Variants in RAPGEF6 observed in about 807,000 individuals in gnomAD.
RAPGEF6 encodes PDZ domain containing guanine nucleotide exchange factor (GEF) 2.
In RAPGEF6, 56 loss-of-function variants were observed where a neutral mutation model predicts 171.4. The observed-to-expected ratio is 0.33, with a 90% CI of 0.26 to 0.41. The LOEUF (loss-of-function observed/expected upper bound fraction) is 0.41. Among genes scored for constraint, RAPGEF6 ranks in the 10% least tolerant of loss-of-function variants. The pLI, the probability that RAPGEF6 is intolerant of heterozygous loss-of-function variation, is 1.00. For synonymous variants in RAPGEF6, 692 were observed against 650.1 expected (o/e 1.06, Z -0.98); for missense variants, 1,674 against 1,921.4 (o/e 0.87, Z 2.41).
intron 5 of RAPGEF6, among the ~76,000 whole-genome samples, chr5:131,551,039 TTTAA>T (rs781495235): frequency 3.9e-5 from 6 of 152,336 alleles, no homozygotes; most frequent in Non-Finnish European, 7.3e-5. Context: ...AAAATAGGTG[TTTAA>T]TTAAATTTTC....
At chr5:131,561,414 T>C (rs1008844062) in intron 5 of RAPGEF6, among the ~76,000 whole-genome samples, 6 of 151,996 alleles carry the variant, frequency 3.9e-5, no homozygotes, top group South Asian at 4.2e-4. Context: ...TCTCAGCACT[T>C]TGGGAGGCCA....
Position 131,442,503 on chromosome 5 carries a change from T to C in RAPGEF6, c.3456A>G (p.Lys1152=), listed in dbSNP as rs377570469. 7 of 1,613,978 alleles carry C rather than the reference T, an allele frequency of 4.3e-6. No homozygotes were observed. The highest frequency in any genetic ancestry group is 1.3e-5 in the African/African-American group (1 of 74,928). Residue 1152 remains lysine, a synonymous_variant, in exon 23 of 28, where the codon AAA becomes AAG. Coordinates refer to ENST00000509018, the MANE Select transcript of RAPGEF6 (RefSeq NM_016340.6). ...TKNLSEKRSA[K]SSEMSPVPMR... is the part of the protein sequence containing the mutation. ...TAGGCACTGGAGACATTTCAGATGA[T>C]TTGGCTGATCTTTTCTCACTTAAAT...
rs577269571 is a variant in RAPGEF6, at chr5:131,462,101, A to C, written c.2481-13T>G. 1 of 1,453,820 alleles carries C rather than the reference A, an allele frequency of 6.9e-7. No individual in the cohort carries two copies. Among genetic ancestry groups the C allele is most frequent in the Non-Finnish European group, 9.1e-7 (1 of 1,097,740 alleles). 90.1% of individuals were successfully genotyped at this position (1,453,820 alleles called of 1,614,324 possible). On this transcript the variant is annotated splice_polypyrimidine_tract_variant and intron_variant, in intron 18 of 27. Coordinates refer to ENST00000509018, the MANE Select transcript of RAPGEF6 (RefSeq NM_016340.6). ...TTTTAAGTAATACCTAAATGGAAAAATTTTTTTAAATAAATGTATTCATAA... is the reference window on the plus strand; with the variant it reads ...TTTTAAGTAATACCTAAATGGAAAACTTTTTTTAAATAAATGTATTCATAA...
In RAPGEF6 at chr5:131,466,447, G is replaced by T. The variant is rs181524872; in HGVS notation, c.2240-2166C>A. Among the ~76,000 whole-genome samples the T allele has an allele frequency of 1.0e-3, 154 of 152,252 alleles. 1 individual carries two copies. The highest frequency in any genetic ancestry group is 3.2e-3 in the African/African-American group (132 of 41,530). On this transcript the variant is annotated intron_variant, in intron 17 of 27. Transcript: ENST00000509018. ...CAAAATCAGACATACTTCTTGAAAG[G>T]TTTGGCTGTGTCCCCAACCAAATCT... is the stretch of plus-strand genomic sequence containing the variant.
At chr5:131,431,475 C>G in intron 25 of RAPGEF6, 126 bp from the exon 26 acceptor site, 3 of 1,005,414 alleles carry the variant, frequency 3.0e-6, no homozygotes, top group Non-Finnish European at 4.3e-6. Flanking sequence ...CAAATAACAT[C>G]GTGAGGAAAA....
chr5:131,453,183 G>C lies in RAPGEF6; in HGVS notation c.3077-6C>G, dbSNP rs923198127. ...ATCTACTTTGGAGTCATTTCCTATAGAATGAAAATAAATGTTTAAGTTCAA... is the reference window on the plus strand; with the variant it reads ...ATCTACTTTGGAGTCATTTCCTATACAATGAAAATAAATGTTTAAGTTCAA... On this transcript the variant is annotated splice_region_variant and splice_polypyrimidine_tract_variant and intron_variant, in intron 20 of 27. Transcript: ENST00000509018. 1 of 1,588,462 alleles carries C rather than the reference G, an allele frequency of 6.3e-7. No homozygotes were observed. The highest frequency in any genetic ancestry group is 1.1e-5 in the South Asian group (1 of 87,388).
chr5:131,482,165 G>A (rs1462642425), intron 15 of RAPGEF6, among the ~76,000 whole-genome samples: 1 of 152,064 alleles, frequency 6.6e-6, no homozygotes, highest in African/African-American at 2.4e-5. Flanking sequence ...TCAAAATGAT[G>A]GAGACTTTTT....
At chr5:131,546,392 C>G (rs1055973654) in intron 6 of RAPGEF6, among the ~76,000 whole-genome samples, 11 of 152,004 alleles carry the variant, frequency 7.2e-5, no homozygotes, top group Non-Finnish European at 1.6e-4. Flanking sequence ...GATCACAAGG[C>G]AGGAGATCGA....
intron 6 of RAPGEF6, among the ~76,000 whole-genome samples, chr5:131,547,463 A>T (rs778453051): frequency 1.3e-5 from 2 of 151,974 alleles, no homozygotes; most frequent in African/African-American, 2.4e-5. Flanking sequence ...TTTTCAGTCT[A>T]AAAAGAAGCT....
chr5:131,514,709 T>C (rs1757962334), intron 7 of RAPGEF6, among the ~76,000 whole-genome samples: 3 of 151,682 alleles, frequency 2.0e-5, no homozygotes, highest in South Asian at 4.1e-4. Context: ...CAATCTGAAG[T>C]AGAGATGAGA....
chr5:131,542,159 G>T (rs1472777313), intron 6 of RAPGEF6, among the ~76,000 whole-genome samples: 2 of 152,042 alleles, frequency 1.3e-5, no homozygotes, highest in Non-Finnish European at 2.9e-5. Flanking sequence ...CCTTTGTTCT[G>T]ATTCTTTAGC....
intron 21 of RAPGEF6, 56 bp downstream of exon 21, chr5:131,452,998 A>C: frequency 6.5e-7 from 1 of 1,539,446 alleles, no homozygotes; most frequent in Non-Finnish European, 8.8e-7. Flanking sequence ...AAATATTTTA[A>C]TTATTACATC....
intron 1 of RAPGEF6, among the ~76,000 whole-genome samples, chr5:131,633,501 G>A (rs1257547135): frequency 6.6e-6 from 1 of 152,070 alleles, no homozygotes; most frequent in African/African-American, 2.4e-5. Flanking sequence ...AGGCCAACGC[G>A]GGCAGATCAC....
At chr5:131,434,890 C>A (rs962095667) in intron 24 of RAPGEF6, among the ~76,000 whole-genome samples, 1 of 152,116 alleles carries the variant, frequency 6.6e-6, no homozygotes, top group African/African-American at 2.4e-5. Context: ...CAACAAGGGA[C>A]GGGTCTCAAA....
intron 15 of RAPGEF6, among the ~76,000 whole-genome samples, chr5:131,487,286 T>G (rs1317045871): frequency 6.6e-6 from 1 of 152,234 alleles, no homozygotes; most frequent in African/African-American, 2.4e-5. Flanking sequence ...CAAGATTTAT[T>G]GTGAAGAATG....
chr5:131,535,877 G>A (rs1002261193), intron 6 of RAPGEF6, among the ~76,000 whole-genome samples: 15 of 152,086 alleles, frequency 9.9e-5, no homozygotes, highest in Non-Finnish European at 1.9e-4. Context: ...AAGAAGGACA[G>A]AGAAAGGTTA....
At chr5:131,583,732 G>A (rs1763092543) in intron 4 of RAPGEF6, among the ~76,000 whole-genome samples, 1 of 152,120 alleles carries the variant, frequency 6.6e-6, no homozygotes, top group African/African-American at 2.4e-5. Context: ...CTTACTCAAG[G>A]CTTCCTGAAT....
chr5:131,606,324 A>G (rs1031940105), intron 1 of RAPGEF6, among the ~76,000 whole-genome samples: 1 of 148,112 alleles, frequency 6.8e-6, no homozygotes, highest in African/African-American at 2.5e-5. Context: ...AGATCGCACC[A>G]CTGCACTCCA....
At chr5:131,485,903 C>A (rs1755852793) in intron 15 of RAPGEF6, among the ~76,000 whole-genome samples, 1 of 152,198 alleles carries the variant, frequency 6.6e-6, no homozygotes, top group Non-Finnish European at 1.5e-5. Flanking sequence ...GGTTCTGGCT[C>A]ATACTGACTT....
Sources: allele counts gnomAD v4.1 joint callset (sites outside exome capture counted in the v4.1 genomes callset), GRCh38; gene constraint gnomAD v4.1.1; transcripts MANE v1.5; gene names NCBI Gene and HGNC (gene_info 2026-07-23, HGNC 2026-07-21).